GRIP1: variants seen among roughly 807,000 people sequenced by gnomAD.
The protein encoded by GRIP1 is glutamate receptor-interacting protein 1.
Under a neutral mutation model 129.9 loss-of-function variants are expected in GRIP1, and 45 were observed. The observed-to-expected ratio is 0.35, with a 90% CI of 0.27 to 0.44. The LOEUF (loss-of-function observed/expected upper bound fraction) is 0.44. GRIP1 is among the 20% of genes least tolerant of loss of function. The pLI, the probability that GRIP1 is intolerant of heterozygous loss-of-function variation, is 1.00. For synonymous variants in GRIP1, 530 were observed against 520.8 expected (o/e 1.02, Z -0.24); for missense variants, 1,196 against 1,396.8 (o/e 0.86, Z 2.29).
chr12:66,431,189 G>A (rs1253424058), intron 14 of GRIP1, among the ~76,000 whole-genome samples: 2 of 152,160 alleles, frequency 1.3e-5, no homozygotes, highest in Non-Finnish European at 2.9e-5. Flanking sequence ...AGCCCTAGTT[G>A]TTGACACTAT....
chr12:66,595,686 C>T (rs1162435451), intron 2 of GRIP1, among the ~76,000 whole-genome samples: 1 of 152,200 alleles, frequency 6.6e-6, no homozygotes, highest in Non-Finnish European at 1.5e-5. Flanking sequence ...CATCTCGGCA[C>T]TGGGTGATGC....
intron 1 of GRIP1, among the ~76,000 whole-genome samples, chr12:66,877,462 T>C (rs927585885): frequency 4.6e-5 from 7 of 152,054 alleles, no homozygotes; most frequent in Admixed American, 6.6e-5. Flanking sequence ...AATTCTGGAA[T>C]AGGTAATATC....
intron 1 of GRIP1, among the ~76,000 whole-genome samples, chr12:66,614,668 T>C (rs532472353): frequency 6.6e-6 from 1 of 152,214 alleles, no homozygotes; most frequent in Non-Finnish European, 1.5e-5. Flanking sequence ...CAGCTTAAAG[T>C]TCCCCAGGGG....
intron 7 of GRIP1, among the ~76,000 whole-genome samples, chr12:66,503,093 C>T (rs570797949): frequency 2.6e-5 from 4 of 152,206 alleles, no homozygotes; most frequent in African/African-American, 9.6e-5. Flanking sequence ...GAGATAATCT[C>T]CTGACGGTCC....
intron 19 of GRIP1, among the ~76,000 whole-genome samples, chr12:66,388,881 T>C (rs2056468053): frequency 6.6e-6 from 1 of 152,230 alleles, no homozygotes; most frequent in Non-Finnish European, 1.5e-5. Context: ...TCCAAGAGTG[T>C]ATCCACATGG....
At chr12:66,632,592 T>C (rs935118299) in intron 1 of GRIP1, among the ~76,000 whole-genome samples, 1 of 152,222 alleles carries the variant, frequency 6.6e-6, no homozygotes, top group Non-Finnish European at 1.5e-5. Context: ...TCGATTTGTA[T>C]AGACACATTT....
intron 11 of GRIP1, among the ~76,000 whole-genome samples, chr12:66,450,067 G>C (rs957228708): frequency 6.6e-6 from 1 of 151,904 alleles, no homozygotes; most frequent in Non-Finnish European, 1.5e-5. Flanking sequence ...TTGGGAGGCC[G>C]AGTCGGGCGG....
Position 66,901,105 on chromosome 12 carries a change from G to A in GRIP1, c.58+167945C>T, listed in dbSNP as rs1161155035. 3.9e-5 allele frequency among the ~76,000 whole-genome samples: 6 copies of A among 152,132 alleles called. No individual in the cohort carries two copies. In the South Asian group the frequency reaches 1.0e-3, roughly 26 times the overall value. Reference sequence around the variant, plus strand: ...TCCAAATTATTTTTAAGTTTAAAATGAAAGGAAATCTTGATTACATGGGTT... The same window carrying A: ...TCCAAATTATTTTTAAGTTTAAAATAAAAGGAAATCTTGATTACATGGGTT... On this transcript the variant is annotated intron_variant, in intron 1 of 1. Transcript: ENST00000643019.
chr12:66,795,822 C>A (rs6581718), intron 1 of GRIP1, among the ~76,000 whole-genome samples: 11 of 151,894 alleles, frequency 7.2e-5, no homozygotes, highest in Admixed American at 7.2e-4. Context: ...CTTGGACATA[C>A]AAAAGCCATT....
intron 1 of GRIP1, among the ~76,000 whole-genome samples, chr12:67,007,245 A>T (rs571330135): frequency 1.3e-5 from 2 of 152,284 alleles, no homozygotes; most frequent in South Asian, 4.1e-4. Context: ...CAAATACACA[A>T]GAAGTAAAAA....
chr12:66,912,607 G>A (rs1566075850), intron 1 of GRIP1, among the ~76,000 whole-genome samples: 1 of 151,936 alleles, frequency 6.6e-6, no homozygotes, highest in East Asian at 1.9e-4. Flanking sequence ...TATTAATAAG[G>A]GGAATTTAAA....
chr12:67,002,175 T>C (rs1483427755), intron 1 of GRIP1, among the ~76,000 whole-genome samples: 1 of 152,204 alleles, frequency 6.6e-6, no homozygotes, highest in Non-Finnish European at 1.5e-5. Flanking sequence ...TCGCTATTAT[T>C]AGAACAATGA....
At chr12:66,828,539 A>T (rs1226772364) in intron 1 of GRIP1, among the ~76,000 whole-genome samples, 1 of 152,228 alleles carries the variant, frequency 6.6e-6, no homozygotes, top group Admixed American at 6.5e-5. Context: ...AAATAGAATC[A>T]AGTATGATTA....
At chr12:66,357,198 GGCTT>G (rs886746086) in intron 23 of GRIP1, among the ~76,000 whole-genome samples, 9 of 152,050 alleles carry the variant, frequency 5.9e-5, no homozygotes, top group African/African-American at 2.2e-4. Flanking sequence ...TTTTTAAGTT[GGCTT>G]GCTTAAGTCA....
At chr12:66,720,403 G>A (rs2036022841) in intron 1 of GRIP1, among the ~76,000 whole-genome samples, 1 of 152,096 alleles carries the variant, frequency 6.6e-6, no homozygotes. Context: ...ACTGCTGAAG[G>A]TTGGGATGGT....
At chr12:66,939,261 G>T (rs778473924) in intron 1 of GRIP1, among the ~76,000 whole-genome samples, 1 of 152,074 alleles carries the variant, frequency 6.6e-6, no homozygotes, top group Non-Finnish European at 1.5e-5. Flanking sequence ...CTGAGGTGGA[G>T]GATTGAGACC....
intron 1 of GRIP1, among the ~76,000 whole-genome samples, chr12:67,009,880 C>A (rs1430774878): frequency 6.6e-6 from 1 of 152,098 alleles, no homozygotes; most frequent in Non-Finnish European, 1.5e-5. Context: ...AATATCAGGG[C>A]CCATCACATA....
chr12:66,502,478 T>C (rs577308096), intron 7 of GRIP1, among the ~76,000 whole-genome samples: 3 of 152,284 alleles, frequency 2.0e-5, no homozygotes, highest in South Asian at 2.1e-4. Context: ...TCTAATATCA[T>C]TTGGATGTCA....
intron 1 of GRIP1, among the ~76,000 whole-genome samples, chr12:66,706,367 T>C (rs749291277): frequency 6.0e-5 from 9 of 151,016 alleles, no homozygotes; most frequent in Admixed American, 2.0e-4. Flanking sequence ...CAGGAAACAA[T>C]AGATGCTGGT....
Sources: gnomAD v4.1 joint callset for allele counts (sites outside exome capture counted in the v4.1 genomes callset) on GRCh38, gnomAD v4.1.1 for gene constraint, MANE v1.5 for transcripts, NCBI Gene and HGNC (gene_info 2026-07-23, HGNC 2026-07-21) for gene names.